Variants in NTNG1 observed in about 807,000 individuals in gnomAD.
NTNG1 encodes the protein netrin G1, also known as netrin-G1.
Under a neutral mutation model 54.0 loss-of-function variants are expected in NTNG1, and 16 were observed. The ratio of observed to expected loss-of-function variants is 0.30; its 90% CI spans 0.20 to 0.45. The LOEUF is 0.45. Among genes scored for constraint, NTNG1 ranks in the 20% least tolerant of loss-of-function variants. NTNG1 has a pLI of 1.00. For synonymous variants in NTNG1, 255 were observed against 263.1 expected (o/e 0.97, Z 0.30); for missense variants, 530 against 678.7 (o/e 0.78, Z 2.43).
At chr1:107,325,898 A>G (rs1667925323) in intron 3 of NTNG1, among the ~76,000 whole-genome samples, 1 of 152,152 alleles carries the variant, frequency 6.6e-6, no homozygotes, top group African/African-American at 2.4e-5. Flanking sequence ...AATAGTATAT[A>G]TCATGTAGGT....
chr1:107,433,619 T>C (rs1675415769), intron 6 of NTNG1, among the ~76,000 whole-genome samples: 1 of 152,220 alleles, frequency 6.6e-6, no homozygotes, highest in East Asian at 1.9e-4. Context: ...TCTTAAATTA[T>C]TGCCCTTTTC....
At chr1:107,171,624 A>T (rs1284583974) in intron 2 of NTNG1, among the ~76,000 whole-genome samples, 1 of 152,132 alleles carries the variant, frequency 6.6e-6, no homozygotes, top group Non-Finnish European at 1.5e-5. Flanking sequence ...TGGAACCTCC[A>T]TGGGGCTCTG....
At chr1:107,181,991 A>AG (rs1657107240) in intron 2 of NTNG1, among the ~76,000 whole-genome samples, 1 of 152,068 alleles carries the variant, frequency 6.6e-6, no homozygotes, top group Non-Finnish European at 1.5e-5. Flanking sequence ...AATAATTATT[A>AG]GGGGAATTAG....
chr1:107,430,274 G>A (rs1321209833), intron 5 of NTNG1, among the ~76,000 whole-genome samples: 1 of 151,986 alleles, frequency 6.6e-6, no homozygotes, highest in Non-Finnish European at 1.5e-5. Context: ...TTGCTGTCTT[G>A]GCATGATGTC....
Position 107,324,618 on chromosome 1 carries a change from G to T in NTNG1, c.583G>T (p.Asp195Tyr). The T allele has an allele frequency of 1.2e-6, 2 of 1,613,702 alleles. No homozygotes were observed. The highest frequency in any genetic ancestry group is 1.7e-6 in the Non-Finnish European group (2 of 1,179,846). ...TCACATGGATCCTAAATCCGTGAAG[G>T]ATTTATCACAGCATACGGTCTTAGA... ...AFHMDPKSVK[D>Y]LSQHTVLEII... Residue 195 changes from aspartate (D) to tyrosine (Y), a missense_variant, in exon 3 of 8, where the codon GAT becomes TAT. This residue lies in a region of NTNG1 where 318 missense variants were observed against 465.1 expected (regional missense o/e 0.68). Transcript: ENST00000370068.
intron 2 of NTNG1, among the ~76,000 whole-genome samples, chr1:107,180,166 A>T (rs1007578949): frequency 1.3e-5 from 2 of 152,190 alleles, no homozygotes; most frequent in Non-Finnish European, 2.9e-5. Flanking sequence ...GCCCATTAGG[A>T]AATAAAAATG....
chr1:107,458,881 T>G (rs1677108662), intron 7 of NTNG1, among the ~76,000 whole-genome samples: 1 of 152,166 alleles, frequency 6.6e-6, no homozygotes, highest in South Asian at 2.1e-4. Flanking sequence ...ATTTTCAAAT[T>G]GGAAACATTG....
In NTNG1 at chr1:107,345,146, A is replaced by G. The variant is rs150134201; in HGVS notation, c.887+20224A>G. Among the ~76,000 whole-genome samples the G allele has an allele frequency of 1.9e-3, 286 of 152,214 alleles. 5 individuals carry two copies. The highest frequency in any genetic ancestry group is 6.5e-3 in the African/African-American group (270 of 41,528). ...AGGTCTGACCATGAAAATCTCTCCA[A>G]ATGTTTTGAGTTTGTCTCATTTATT... is the stretch of plus-strand genomic sequence containing the variant. On this transcript the variant is annotated intron_variant, in intron 3 of 7. Transcript: ENST00000370068.
intron 2 of NTNG1, among the ~76,000 whole-genome samples, chr1:107,185,189 G>A (rs187108334): frequency 6.6e-6 from 1 of 152,230 alleles, no homozygotes; most frequent in Admixed American, 6.5e-5. Context: ...TAATTTCCTG[G>A]GACTGCTGTG....
At chr1:107,448,577 G>C (rs1676436882) in intron 7 of NTNG1, among the ~76,000 whole-genome samples, 1 of 152,086 alleles carries the variant, frequency 6.6e-6, no homozygotes. Flanking sequence ...AGTGAAGTTT[G>C]AGAAGCAGAG....
intron 2 of NTNG1, among the ~76,000 whole-genome samples, chr1:107,314,634 C>T (rs1667228668): frequency 6.6e-6 from 1 of 152,122 alleles, no homozygotes; most frequent in South Asian, 2.1e-4. Context: ...TTAAATACCT[C>T]TGTAAGCTAA....
At chr1:107,432,156 T>G (rs943099721) in intron 6 of NTNG1, among the ~76,000 whole-genome samples, 1 of 152,202 alleles carries the variant, frequency 6.6e-6, no homozygotes, top group African/African-American at 2.4e-5. Context: ...TGCTAGCTCA[T>G]GGCTGTGTGC....
At chr1:107,230,804 G>T (rs1448239894) in intron 2 of NTNG1, among the ~76,000 whole-genome samples, 4 of 151,896 alleles carry the variant, frequency 2.6e-5, no homozygotes, top group African/African-American at 9.7e-5. Context: ...GAAATGTAGA[G>T]TAGTTGACAT....
chr1:107,384,116 A>C (rs999817197), intron 3 of NTNG1, among the ~76,000 whole-genome samples: 1 of 152,180 alleles, frequency 6.6e-6, no homozygotes, highest in Non-Finnish European at 1.5e-5. Flanking sequence ...GCACCATCAT[A>C]TTCCTGCACC....
intron 2 of NTNG1, among the ~76,000 whole-genome samples, chr1:107,227,666 GCTCT>G (rs10642554): frequency 2.1e-3 from 303 of 144,484 alleles, no homozygotes; most frequent in South Asian, 6.9e-3. Context: ...TGTCTCTCTC[GCTCT>G]CTCTCTCTCT....
At chr1:107,234,114 G>T (rs930151711) in intron 2 of NTNG1, among the ~76,000 whole-genome samples, 1 of 152,040 alleles carries the variant, frequency 6.6e-6, no homozygotes, top group African/African-American at 2.4e-5. Flanking sequence ...GACGTAATGG[G>T]CTAGGGCTGT....
At chr1:107,227,721 T>C (rs1660787548) in intron 2 of NTNG1, among the ~76,000 whole-genome samples, 2 of 151,662 alleles carry the variant, frequency 1.3e-5, no homozygotes, top group African/African-American at 4.8e-5. Context: ...CACACACAGA[T>C]AGACAGACAC....
chr1:107,156,708 G>C (rs1277296436), intron 2 of NTNG1, among the ~76,000 whole-genome samples: 2 of 152,138 alleles, frequency 1.3e-5, no homozygotes, highest in Non-Finnish European at 2.9e-5. Context: ...ATTTAGGGCT[G>C]CATTCCTGTG....
At chr1:107,272,638 C>G (rs539990099) in intron 2 of NTNG1, among the ~76,000 whole-genome samples, 1 of 152,094 alleles carries the variant, frequency 6.6e-6, no homozygotes, top group Non-Finnish European at 1.5e-5. Flanking sequence ...CAGAAGCAGC[C>G]GTCAACCCCC....
Sources: gnomAD v4.1 joint callset for allele counts (sites outside exome capture counted in the v4.1 genomes callset) on GRCh38, gnomAD v4.1.1 for gene constraint, gnomAD v4.1.1 regional missense constraint, MANE v1.5 for transcripts, NCBI Gene and HGNC (gene_info 2026-07-23, HGNC 2026-07-21) for gene names.